HSD17B3: variants seen among roughly 807,000 people sequenced by gnomAD.
The protein encoded by HSD17B3 is 17-beta-hydroxysteroid dehydrogenase type 3.
HSD17B3 carries 29 observed loss-of-function variants against 41.1 expected under a neutral mutation model. The observed-to-expected ratio is 0.71, with a 90% CI of 0.53 to 0.96. The LOEUF (loss-of-function observed/expected upper bound fraction) is 0.96. Ranked by LOEUF, HSD17B3 falls within the 40% of genes least tolerant of loss-of-function variation. HSD17B3 has a pLI of 0.00. For synonymous variants in HSD17B3, 126 were observed against 145.6 expected (o/e 0.87, Z 0.97); for missense variants, 323 against 374.6 (o/e 0.86, Z 1.14).
intron 2 of HSD17B3, among the ~76,000 whole-genome samples, chr9:96,283,864 G>A (rs1004240239): frequency 2.0e-5 from 3 of 151,978 alleles, no homozygotes; most frequent in East Asian, 1.9e-4. Context: ...CAGGACTCTC[G>A]TGAAGAGCTG....
chr9:96,286,413 G>A (rs968587998), intron 2 of HSD17B3, among the ~76,000 whole-genome samples: 1 of 152,092 alleles, frequency 6.6e-6, no homozygotes, highest in Admixed American at 6.5e-5. Context: ...AACTGGCTGG[G>A]CATAGTGGCC....
intron 1 of HSD17B3, among the ~76,000 whole-genome samples, chr9:96,300,248 A>ACACACG (rs1232909327): frequency 5.3e-5 from 8 of 150,858 alleles, no homozygotes; most frequent in East Asian, 2.0e-4. Flanking sequence ...ACACACACAC[A>ACACACG]CACACGCACA....
chr9:96,274,302 G>A (rs191155499), intron 2 of HSD17B3, among the ~76,000 whole-genome samples: 19 of 152,240 alleles, frequency 1.2e-4, no homozygotes, highest in Admixed American at 1.2e-3. Context: ...AGCTGGGCAT[G>A]GTGGTGCACA....
chr9:96,250,368 A>G (rs1836847194), intron 5 of HSD17B3: 2 of 1,072,922 alleles, frequency 1.9e-6, no homozygotes, highest in East Asian at 9.7e-5. Flanking sequence ...CCCACACAGG[A>G]GATGTGTGGT....
intron 1 of HSD17B3, among the ~76,000 whole-genome samples, chr9:96,298,676 TGTTGGTTGGTTGGTTGGTTGGTTA>T (rs1476311203): frequency 5.4e-4 from 82 of 152,004 alleles, no homozygotes; most frequent in African/African-American, 1.9e-3. Context: ...TTGGTTGGTT[TGTTGGTTGGTTGGTTGGTTGGTTA>T]GTTGGTGTTT....
chr9:96,254,869 G>A lies in HSD17B3; in HGVS notation c.276C>T (p.Ile92=), dbSNP rs143401138. The change falls in exon 3 of 11, where the codon ATC becomes ATT. Residue 92 remains isoleucine, a splice_region_variant and synonymous_variant. Transcript: ENST00000375263. ...LEKLEAIATE[I]ERTTGRSVKI... ...TCCCTTATTTGGGGGGTCACTCACCGATCTCTGTGGCAATGGCCTCTAGTT... is the reference window on the plus strand; with the variant it reads ...TCCCTTATTTGGGGGGTCACTCACCAATCTCTGTGGCAATGGCCTCTAGTT... 4.6e-5 allele frequency: 74 copies of A among 1,613,578 alleles called. No homozygotes were observed. The highest frequency in any genetic ancestry group is 1.2e-4 in the African/African-American group (9 of 75,054).
At chr9:96,271,124 A>G (rs952251541) in intron 2 of HSD17B3, among the ~76,000 whole-genome samples, 1 of 152,192 alleles carries the variant, frequency 6.6e-6, no homozygotes, top group Admixed American at 6.5e-5. Flanking sequence ...ATTTGCAAAA[A>G]GAAAAATGAA....
chr9:96,283,921 T>C (rs530748548), intron 2 of HSD17B3, among the ~76,000 whole-genome samples: 2 of 152,202 alleles, frequency 1.3e-5, no homozygotes, highest in South Asian at 4.1e-4. Context: ...CTGAATTGAC[T>C]GAACCAGTAA....
chr9:96,254,605 C>T (rs1424744927), intron 3 of HSD17B3, among the ~76,000 whole-genome samples: 1 of 152,168 alleles, frequency 6.6e-6, no homozygotes, highest in East Asian at 1.9e-4. Context: ...GCTGATGTAG[C>T]AATGAAGGAA....
rs1406730627 is a variant in HSD17B3 at position 96,301,274 on chromosome 9, A to AT, written c.154+676_154+677insA. On this transcript the variant is annotated intron_variant, in intron 1 of 10. Coordinates refer to ENST00000375263, the MANE Select transcript of HSD17B3 (RefSeq NM_000197.2). Reference sequence around the variant, plus strand: ...AGAAAAAAATGCAATATCCCTTTTGAGACATAAATAATAATAAGCAGGGGC... The same window carrying AT: ...AGAAAAAAATGCAATATCCCTTTTGATGACATAAATAATAATAAGCAGGGGC... 2.6e-5 allele frequency among the ~76,000 whole-genome samples: 4 copies of AT among 152,074 alleles called. No individual in the cohort carries two copies. In the East Asian group the frequency reaches 7.7e-4, roughly 29 times the overall value.
intron 8 of HSD17B3, among the ~76,000 whole-genome samples, chr9:96,244,770 T>C (rs868459598): frequency 1.3e-5 from 2 of 152,090 alleles, no homozygotes; most frequent in African/African-American, 4.8e-5. Flanking sequence ...ATACTATAAA[T>C]AGACACAATT....
intron 10 of HSD17B3, among the ~76,000 whole-genome samples, chr9:96,239,014 T>C (rs919479317): frequency 6.6e-6 from 1 of 152,222 alleles, no homozygotes; most frequent in Admixed American, 6.5e-5. Context: ...AAGCTGCAGA[T>C]GGACCTTGGG....
At chr9:96,290,809 G>C (rs1037215341) in intron 2 of HSD17B3, among the ~76,000 whole-genome samples, 1 of 151,826 alleles carries the variant, frequency 6.6e-6, no homozygotes, top group East Asian at 1.9e-4. Flanking sequence ...ACTCCAGTTT[G>C]TGTGACAGAG....
chr9:96,275,110 G>A (rs542393518), intron 2 of HSD17B3, among the ~76,000 whole-genome samples: 1 of 151,870 alleles, frequency 6.6e-6, no homozygotes, highest in South Asian at 2.1e-4. Flanking sequence ...AAAAGCTGTC[G>A]ACCAAGAATA....
chr9:96,273,857 C>G (rs1474924855), intron 2 of HSD17B3, among the ~76,000 whole-genome samples: 1 of 152,206 alleles, frequency 6.6e-6, no homozygotes, highest in Non-Finnish European at 1.5e-5. Flanking sequence ...GTGCATTCTC[C>G]TAGAGCCAAA....
intron 9 of HSD17B3, among the ~76,000 whole-genome samples, chr9:96,243,367 A>T (rs1836527232): frequency 2.0e-5 from 3 of 152,014 alleles, no homozygotes. Context: ...TGTTACAACC[A>T]CTCACTATGG....
chr9:96,297,188 T>C (rs1827396225), intron 2 of HSD17B3, among the ~76,000 whole-genome samples: 1 of 152,102 alleles, frequency 6.6e-6, no homozygotes, highest in South Asian at 2.1e-4. Flanking sequence ...TATTTTTTTC[T>C]CTTATTTGGA....
intron 2 of HSD17B3, among the ~76,000 whole-genome samples, chr9:96,258,270 ATTGT>A (rs1564035009): frequency 6.6e-6 from 1 of 152,076 alleles, no homozygotes; most frequent in Non-Finnish European, 1.5e-5. Flanking sequence ...CTTCAAGGTA[ATTGT>A]TTATTTCTGA....
At chr9:96,240,071 G>A (rs569985408) in intron 10 of HSD17B3, among the ~76,000 whole-genome samples, 3 of 151,936 alleles carry the variant, frequency 2.0e-5, no homozygotes, top group Non-Finnish European at 2.9e-5. Flanking sequence ...GGGGCCTGTC[G>A]GGGGGTGGGG....
Sources: gnomAD v4.1 joint callset for allele counts (sites outside exome capture counted in the v4.1 genomes callset) on GRCh38, gnomAD v4.1.1 for gene constraint, MANE v1.5 for transcripts, NCBI Gene and HGNC (gene_info 2026-07-23, HGNC 2026-07-21) for gene names.